The following TENM1 variants were observed in gnomAD, a reference collection of about 807,000 sequenced individuals.
The protein encoded by TENM1 is teneurin transmembrane protein 1, also known as teneurin-1.
In TENM1, 35 loss-of-function variants were observed where a neutral mutation model predicts 174.8. That is an observed-to-expected ratio of 0.20 (90% CI 0.15 to 0.27). The LOEUF (loss-of-function observed/expected upper bound fraction) is 0.27, where lower values mean the gene tolerates loss of function less well. TENM1 is among the 10% of genes least tolerant of loss of function. TENM1 has a pLI of 1.00. For missense variants in TENM1, 1,633 were observed against 2,130.1 expected (o/e 0.77, Z 4.59); for synonymous variants, 781 against 798.7 (o/e 0.98, Z 0.37).
chrX:124,382,209 ATT>A (rs1449239578), intron 31 of TENM1, among the ~76,000 whole-genome samples: 1 of 111,288 alleles, frequency 9.0e-6, no homozygotes, highest in Admixed American at 9.5e-5. Flanking sequence ...CCCTTGTAAT[ATT>A]TATTATTTTT....
At chrX:125,071,008 T>A in the TENM1 span, among the ~76,000 whole-genome samples, 1 of 111,861 alleles carries the variant, frequency 8.9e-6, no homozygotes, top group Non-Finnish European at 1.9e-5. Flanking sequence ...ATATATCCTC[T>A]TTTTAATTTA....
chrX:125,146,348 T>C, the TENM1 span, among the ~76,000 whole-genome samples: 1 of 111,473 alleles, frequency 9.0e-6, no homozygotes, highest in Non-Finnish European at 1.9e-5. Flanking sequence ...TTAAGAGCCA[T>C]GGGATTAAAG....
intron 20 of TENM1, among the ~76,000 whole-genome samples, chrX:124,491,182 A>G (rs1420649137): frequency 1.8e-5 from 2 of 112,130 alleles, no homozygotes; most frequent in Non-Finnish European, 3.8e-5. Context: ...GAATTTTCTA[A>G]TGGAGCAGTC....
chrX:124,635,807 A>G (rs1399829133), intron 11 of TENM1, among the ~76,000 whole-genome samples: 6 of 112,517 alleles, frequency 5.3e-5, no homozygotes, highest in African/African-American at 1.9e-4. Context: ...GGCTAAATGT[A>G]TTACTGAGAT....
At chrX:124,385,904 C>T (rs777105312) in exon 29 of TENM1, 1 of 1,210,681 alleles carries the variant, frequency 8.3e-7, no homozygotes, top group Non-Finnish European at 1.1e-6. Context: ...AAAAGAAGTG[C>T]TACTGTCCGG....
chrX:124,974,901 T>TATATATATATATATATATATAA, the TENM1 span, among the ~76,000 whole-genome samples: 1 of 97,571 alleles, frequency 1.0e-5, no homozygotes, highest in Non-Finnish European at 2.1e-5. Flanking sequence ...TATATATATA[T>TATATATATATATATATATATAA]AAAATAATTT....
intron 3 of TENM1, among the ~76,000 whole-genome samples, chrX:124,883,245 A>G (rs2057331120): frequency 1.8e-5 from 2 of 111,050 alleles, no homozygotes; most frequent in East Asian, 5.6e-4. Context: ...ACATACCTAT[A>G]TGTTGGTTGG....
At chrX:124,951,638 A>C (rs1197893824) in intron 1 of TENM1, among the ~76,000 whole-genome samples, 1 of 56,638 alleles carries the variant, frequency 1.8e-5, no homozygotes, top group Non-Finnish European at 3.2e-5. Flanking sequence ...TGAAAAGTTA[A>C]AATATATATA....
At chrX:124,530,501 C>T (rs939463996) in intron 15 of TENM1, among the ~76,000 whole-genome samples, 1 of 110,959 alleles carries the variant, frequency 9.0e-6, no homozygotes, top group Non-Finnish European at 1.9e-5. Flanking sequence ...CGCCTTTTTC[C>T]TGCTTCTTGG....
chrX:124,510,775 T>TACACACACACACACACACACAC (rs755205162), intron 18 of TENM1, among the ~76,000 whole-genome samples: 1,241 of 103,554 alleles, frequency 0.012, 14 homozygotes, highest in African/African-American at 0.027. Flanking sequence ...CATGGGGAGA[T>TACACACACACACACACACACAC]ACACACACAC....
chrX:124,985,659 A>G, the TENM1 span, among the ~76,000 whole-genome samples: 1 of 112,008 alleles, frequency 8.9e-6, no homozygotes, highest in Non-Finnish European at 1.9e-5. Context: ...TGTACCTCAA[A>G]GTGCATTTAA....
At chrX:125,173,981 A>C in the TENM1 span, among the ~76,000 whole-genome samples, 2 of 111,862 alleles carry the variant, frequency 1.8e-5, no homozygotes, top group African/African-American at 6.5e-5. Context: ...GGACATTATG[A>C]AGCAATGATG....
intron 4 of TENM1, among the ~76,000 whole-genome samples, chrX:124,733,465 G>GT (rs1279694091): frequency 1.8e-5 from 2 of 112,002 alleles, no homozygotes; most frequent in Non-Finnish European, 3.8e-5. Context: ...TACTACGTTA[G>GT]TTTGATTTTC....
At chrX:125,011,930 AC>A in the TENM1 span, among the ~76,000 whole-genome samples, 1 of 111,719 alleles carries the variant, frequency 9.0e-6, no homozygotes, top group Non-Finnish European at 1.9e-5. Context: ...AAGACATGGA[AC>A]CAACCCAAAT....
chrX:124,885,929 A>C (rs2057377065), intron 3 of TENM1, among the ~76,000 whole-genome samples: 1 of 111,597 alleles, frequency 9.0e-6, no homozygotes, highest in African/African-American at 3.3e-5. Context: ...ATACCTACCC[A>C]AAAAATTAAC....
At chrX:124,992,494 A>G in the TENM1 span, among the ~76,000 whole-genome samples, 1 of 111,722 alleles carries the variant, frequency 9.0e-6, no homozygotes, top group Admixed American at 9.5e-5. Context: ...TCTCCAAGGC[A>G]GGTCAGAGAA....
chrX:124,631,962 G>C (rs1425960536), intron 11 of TENM1, among the ~76,000 whole-genome samples: 1 of 101,194 alleles, frequency 9.9e-6, no homozygotes, highest in Non-Finnish European at 2.0e-5. Context: ...ACCCAGGCTG[G>C]AGTACAGTGG....
intron 15 of TENM1, among the ~76,000 whole-genome samples, chrX:124,539,017 G>A (rs921878939): frequency 9.0e-6 from 1 of 111,490 alleles, no homozygotes; most frequent in African/African-American, 3.3e-5. Context: ...CAGTTGGTCT[G>A]AGGTATTCAA....
chrX:124,565,318 A>G (rs1291274385), intron 12 of TENM1, 57 bp downstream of exon 15: 1 of 955,187 alleles, frequency 1.0e-6, no homozygotes, highest in East Asian at 3.4e-5. Context: ...GACTCACTAG[A>G]CTGCTCTTAA....
Sources: gnomAD v4.1 joint callset for allele counts (sites outside exome capture counted in the v4.1 genomes callset) on GRCh38, gnomAD v4.1.1 for gene constraint, MANE v1.5 for transcripts, NCBI Gene and HGNC (gene_info 2026-07-23, HGNC 2026-07-21) for gene names.